The following ASCC3 variants were observed in gnomAD, a reference collection of about 807,000 sequenced individuals.
ASCC3 encodes ASC-1 complex subunit P200.
Under a neutral mutation model 256.3 loss-of-function variants are expected in ASCC3, and 158 were observed. The observed-to-expected ratio is 0.62, with a 90% CI of 0.54 to 0.70. The LOEUF is 0.70. ASCC3 is among the 30% of genes least tolerant of loss of function. The pLI is 0.00. For missense variants in ASCC3, 2,259 were observed against 2,626.0 expected (o/e 0.86, Z 3.05); for synonymous variants, 948 against 883.4 (o/e 1.07, Z -1.30).
At chr6:100,720,273 T>C (rs1161983295) in intron 11 of ASCC3, among the ~76,000 whole-genome samples, 1 of 151,902 alleles carries the variant, frequency 6.6e-6, no homozygotes, top group East Asian at 1.9e-4. Context: ...TGTGAAATTA[T>C]AAGGAAGATC....
At chr6:100,774,417 G>A (rs1403446333) in intron 8 of ASCC3, among the ~76,000 whole-genome samples, 1 of 151,986 alleles carries the variant, frequency 6.6e-6, no homozygotes. Flanking sequence ...CTAGTCTGGA[G>A]TGCAATGGCA....
chr6:100,854,079 TTCC>T (rs141271679), intron 3 of ASCC3, among the ~76,000 whole-genome samples: 2,554 of 152,164 alleles, frequency 0.017, 71 homozygotes, highest in African/African-American at 0.059. Flanking sequence ...TGCTAATATT[TTCC>T]TCAATTTTAC....
intron 13 of ASCC3, among the ~76,000 whole-genome samples, chr6:100,689,398 A>C (rs1351718401): frequency 3.3e-5 from 5 of 152,184 alleles, no homozygotes. Context: ...ATAATTTGCC[A>C]CTCATTCAGA....
At chr6:100,661,368 G>C (rs1458777046) in intron 16 of ASCC3, among the ~76,000 whole-genome samples, 1 of 88,110 alleles carries the variant, frequency 1.1e-5, no homozygotes, top group Non-Finnish European at 2.9e-5. Context: ...CAAAACAAAT[G>C]ATCATAATCT....
intron 10 of ASCC3, among the ~76,000 whole-genome samples, chr6:100,732,804 C>T (rs902730654): frequency 6.6e-6 from 1 of 152,090 alleles, no homozygotes; most frequent in African/African-American, 2.4e-5. Context: ...ATTCGAGTAA[C>T]TGCCACTGCC....
At chr6:100,622,398 ACCTG>A (rs1001282324) in intron 30 of ASCC3, among the ~76,000 whole-genome samples, 68 of 151,972 alleles carry the variant, frequency 4.5e-4, no homozygotes, top group African/African-American at 1.6e-3. Context: ...CACTTCCACT[ACCTG>A]CCACCTTGTG....
At chr6:100,526,627 T>C (rs528334876) in intron 37 of ASCC3, among the ~76,000 whole-genome samples, 260 of 152,242 alleles carry the variant, frequency 1.7e-3, no homozygotes, top group African/African-American at 5.7e-3. Context: ...ATCACTTCCC[T>C]AGTGGAGAAT....
chr6:100,724,418 A>G (rs974529994), intron 11 of ASCC3, among the ~76,000 whole-genome samples: 6 of 151,930 alleles, frequency 3.9e-5, no homozygotes, highest in African/African-American at 1.4e-4. Flanking sequence ...ATATTTCCAG[A>G]CAGTAGGTGG....
At chr6:100,535,613 C>T (rs748283264) in intron 37 of ASCC3, among the ~76,000 whole-genome samples, 9 of 151,870 alleles carry the variant, frequency 5.9e-5, no homozygotes, top group Non-Finnish European at 1.0e-4. Context: ...GGATTACAGG[C>T]GCCCACTACC....
At chr6:100,635,965 C>T (rs1387712748) in intron 25 of ASCC3, among the ~76,000 whole-genome samples, 2 of 152,094 alleles carry the variant, frequency 1.3e-5, no homozygotes, top group Admixed American at 6.5e-5. Flanking sequence ...GGGTTTCTCA[C>T]AGTGAAATTA....
chr6:100,799,679 A>C, intron 6 of ASCC3, 107 bp from the exon 7 acceptor site: 1 of 1,203,472 alleles, frequency 8.3e-7, no homozygotes, highest in Non-Finnish European at 1.2e-6. Flanking sequence ...CTTCCACCAT[A>C]AAAAAGAAAT....
At chr6:100,661,724 A>G in intron 16 of ASCC3, 82 bp downstream of exon 16, 1 of 1,431,666 alleles carries the variant, frequency 7.0e-7, no homozygotes. Context: ...ACTACAAAAC[A>G]GCAACCAACT....
intron 4 of ASCC3, among the ~76,000 whole-genome samples, chr6:100,810,514 T>C (rs1187082034): frequency 6.6e-6 from 1 of 152,170 alleles, no homozygotes; most frequent in Non-Finnish European, 1.5e-5. Context: ...CAGTATTTTC[T>C]TTCAAATTTT....
intron 36 of ASCC3, among the ~76,000 whole-genome samples, chr6:100,553,679 T>C (rs1465863361): frequency 6.6e-6 from 1 of 152,104 alleles, no homozygotes; most frequent in Non-Finnish European, 1.5e-5. Flanking sequence ...AACCCCCTGC[T>C]ACTGTTTTTA....
chr6:100,627,743 AT>A lies in ASCC3; in HGVS notation c.4522-34del, dbSNP rs778619672. The stretch of plus-strand genomic sequence containing the variant: ...AAATATGAGAGAGAAACCATTTTCA[AT>A]TTTTATATTGAATTTTATAAGGTTA... On this transcript the variant is annotated intron_variant, in intron 28 of 41. Transcript: ENST00000369162. 1.9e-5 allele frequency: 31 copies of A among 1,609,622 alleles called. No homozygotes were observed. The South Asian group carries it at 3.3e-4, about 17-fold the overall frequency.
At chr6:100,742,191 T>C (rs1225381378) in intron 10 of ASCC3, among the ~76,000 whole-genome samples, 3 of 152,156 alleles carry the variant, frequency 2.0e-5, no homozygotes, top group Non-Finnish European at 4.4e-5. Flanking sequence ...CCTGGAGGTA[T>C]CACCAGCAGT....
At chr6:100,853,077 G>A (rs1249762121) in intron 3 of ASCC3, among the ~76,000 whole-genome samples, 1 of 151,716 alleles carries the variant, frequency 6.6e-6, no homozygotes, top group Non-Finnish European at 1.5e-5. Context: ...TTGGCTGGCT[G>A]ACTGGTGCGC....
intron 25 of ASCC3, among the ~76,000 whole-genome samples, chr6:100,637,314 G>A (rs1774889381): frequency 6.6e-6 from 1 of 152,094 alleles, no homozygotes; most frequent in African/African-American, 2.4e-5. Context: ...TAAACAGCAT[G>A]GTTTATTGAA....
rs755658161 is a variant in ASCC3, at chr6:100,605,623, T to C, written c.5122A>G (p.Ile1708Val). The change falls in exon 33 of 42, where the codon ATA (isoleucine) becomes GTA (valine). Residue 1708 changes from isoleucine (I) to valine (V), a missense_variant. Around this residue, in one of 2 missense-constraint regions of ASCC3, gnomAD observed 1,839 missense variants for 2,206.7 expected, o/e 0.83. Transcript: ENST00000369162. The stretch of plus-strand genomic sequence containing the variant: ...AATTTTTTATAAAAGTCTTTCTTTA[T>C]GTCATGAACTAGAATTACAGCTTTG... Reference protein sequence around the residue: ...QGKAVILVHDIKKDFYKKFLY... With the variant: ...QGKAVILVHDVKKDFYKKFLY... The C allele has an allele frequency of 3.1e-6, 5 of 1,596,154 alleles. No homozygotes were observed. The highest frequency in any genetic ancestry group is 1.1e-5 in the South Asian group (1 of 90,630).
Sources: allele counts gnomAD v4.1 joint callset (sites outside exome capture counted in the v4.1 genomes callset), GRCh38; gene constraint gnomAD v4.1.1; regional missense constraint gnomAD v4.1.1; transcripts MANE v1.5; gene names NCBI Gene and HGNC (gene_info 2026-07-23, HGNC 2026-07-21).